ABHD12: variants seen among roughly 807,000 people sequenced by gnomAD.
ABHD12 encodes lysophosphatidylserine lipase ABHD12.
In ABHD12, 43 loss-of-function variants were observed where a neutral mutation model predicts 58.3. That is an observed-to-expected ratio of 0.74 (90% CI 0.58 to 0.95). The LOEUF is 0.95. Among genes scored for constraint, ABHD12 ranks in the 40% least tolerant of loss-of-function variants. The pLI is 0.00. For missense variants in ABHD12, 539 were observed against 537.2 expected (o/e 1.00, Z -0.03); for synonymous variants, 219 against 211.2 (o/e 1.04, Z -0.32).
intron 1 of ABHD12, among the ~76,000 whole-genome samples, chr20:25,353,000 A>AC (rs746198420): frequency 2.0e-5 from 3 of 152,176 alleles, no homozygotes; most frequent in Non-Finnish European, 4.4e-5. Context: ...CAAGAGTGAG[A>AC]CTCTGTCTCT....
chr20:25,381,524 A>G (rs1210155851), intron 1 of ABHD12, among the ~76,000 whole-genome samples: 2 of 152,160 alleles, frequency 1.3e-5, no homozygotes, highest in African/African-American at 2.4e-5. Context: ...TGGACCCTAT[A>G]TGCACGACTG....
At chr20:25,380,867 C>A (rs1034698453) in intron 1 of ABHD12, among the ~76,000 whole-genome samples, 20 of 152,328 alleles carry the variant, frequency 1.3e-4, no homozygotes, top group African/African-American at 3.8e-4. Context: ...GTTTAACAGG[C>A]ACCTCAATAT....
At chr20:25,387,619 G>A (rs549540752) in intron 1 of ABHD12, among the ~76,000 whole-genome samples, 1 of 92,956 alleles carries the variant, frequency 1.1e-5, no homozygotes, top group Admixed American at 1.1e-4. Context: ...TTAACCAGGA[G>A]TGGTGGCATA....
intron 1 of ABHD12, among the ~76,000 whole-genome samples, chr20:25,354,590 G>A (rs948696668): frequency 6.6e-6 from 1 of 152,180 alleles, no homozygotes; most frequent in African/African-American, 2.4e-5. Flanking sequence ...ACTGGACACA[G>A]CCCATCTTTC....
chr20:25,353,941 C>T (rs1284929858), intron 1 of ABHD12, among the ~76,000 whole-genome samples: 1 of 152,182 alleles, frequency 6.6e-6, no homozygotes, highest in Non-Finnish European at 1.5e-5. Flanking sequence ...TCAAGGTCTC[C>T]CCTGCCGCTG....
At position 25,316,938 on chromosome 20, in the gene ABHD12, A is replaced by G. The variant is rs1428187282; in HGVS notation, c.573+110T>C. ...GAGGAGGACCCTGTCTCACACACAC[A>G]AACAGCCCAGCAATAGTTAACTCTC... On this transcript the variant is annotated intron_variant, in intron 5 of 12. Transcript: ENST00000339157. 4 of 1,035,230 alleles carry G rather than the reference A, an allele frequency of 3.9e-6. No individual in the cohort carries two copies. The African/African-American group carries it at 6.3e-5, about 16-fold the overall frequency. 64.1% of individuals were successfully genotyped at this position (1,035,230 alleles called of 1,614,324 possible).
At chr20:25,369,851 G>A (rs543008768) in intron 1 of ABHD12, among the ~76,000 whole-genome samples, 5 of 149,232 alleles carry the variant, frequency 3.4e-5, no homozygotes, top group South Asian at 2.1e-4. Flanking sequence ...GGGCTGAGGC[G>A]AGAGGATTGC....
At chr20:25,325,661 A>T (rs919842568) in intron 2 of ABHD12, among the ~76,000 whole-genome samples, 2 of 152,196 alleles carry the variant, frequency 1.3e-5, no homozygotes, top group Admixed American at 6.5e-5. Flanking sequence ...TCAGCATCTC[A>T]GGAGGAGCTG....
chr20:25,302,393 G>GT, intron 11 of ABHD12, 47 bp from the exon 12 acceptor site: 1 of 1,609,572 alleles, frequency 6.2e-7, no homozygotes, highest in Non-Finnish European at 8.5e-7. Flanking sequence ...TGGCATGGGG[G>GT]TCCCAGCCTG....
At chr20:25,323,755 G>A (rs958986657) in intron 2 of ABHD12, among the ~76,000 whole-genome samples, 9 of 152,212 alleles carry the variant, frequency 5.9e-5, no homozygotes, top group Non-Finnish European at 1.0e-4. Flanking sequence ...CATTCTAGGT[G>A]TGAGAAGATG....
rs149000557 is a variant in ABHD12, at chr20:25,350,427, C to A, written c.192-11076G>T. Among the ~76,000 whole-genome samples the A allele has an allele frequency of 1.2e-3, 182 of 152,298 alleles. 1 individual carries two copies. Among genetic ancestry groups the A allele is most frequent in the African/African-American group, 4.2e-3 (174 of 41,564 alleles). Reference sequence around the variant, plus strand: ...AATCATGGGGACAGTTTCCCCCATACTGTTTCTCATGGTAGTAAGTCTCAC... The same window carrying A: ...AATCATGGGGACAGTTTCCCCCATAATGTTTCTCATGGTAGTAAGTCTCAC... On this transcript the variant is annotated intron_variant, in intron 1 of 12. Transcript: ENST00000339157.
chr20:25,360,789 G>A (rs933725017), intron 1 of ABHD12, among the ~76,000 whole-genome samples: 4 of 152,150 alleles, frequency 2.6e-5, no homozygotes, highest in African/African-American at 4.8e-5. Context: ...CCAGGTACCC[G>A]TGGCGGGAGG....
At chr20:25,337,455 G>A (rs1462544468) in intron 2 of ABHD12, among the ~76,000 whole-genome samples, 4 of 152,240 alleles carry the variant, frequency 2.6e-5, no homozygotes, top group Non-Finnish European at 5.9e-5. Flanking sequence ...TCCTCCCTCA[G>A]AGCAGTCTAC....
intron 4 of ABHD12, among the ~76,000 whole-genome samples, chr20:25,319,858 C>CA (rs1471982298): frequency 1.3e-5 from 2 of 152,244 alleles, no homozygotes; most frequent in Admixed American, 1.3e-4. Flanking sequence ...GACTGAGACT[C>CA]AGCCTCCTTC....
In ABHD12 at chr20:25,303,899, A is replaced by G. The variant is rs147956960; in HGVS notation, c.951-271T>C. 2.8e-3 allele frequency among the ~76,000 whole-genome samples: 429 copies of G among 152,348 alleles called. 1 individual carries two copies. Among genetic ancestry groups the G allele is most frequent in the African/African-American group, 9.7e-3 (405 of 41,568 alleles). ...AAATGATTATTTTTCCACCAGATAT[A>G]TATATTTTTAAGCGGAATAATTCAG... On this transcript the variant is annotated intron_variant, in intron 10 of 12. Coordinates refer to ENST00000339157, the MANE Select transcript of ABHD12 (RefSeq NM_001042472.3).
chr20:25,390,477 GCCCC>G, intron 1 of ABHD12, 32 bp downstream of exon 1: 1 of 98,530 alleles, frequency 1.0e-5, no homozygotes, highest in Non-Finnish European at 1.3e-5. Context: ...TGAGGGACCG[GCCCC>G]CCCCCCCCCC....
intron 1 of ABHD12, among the ~76,000 whole-genome samples, chr20:25,371,961 G>A (rs2089904898): frequency 1.3e-5 from 2 of 152,114 alleles, no homozygotes; most frequent in South Asian, 2.1e-4. Context: ...CGGGGCATAC[G>A]TGTGTCTTCC....
At chr20:25,344,133 T>C (rs936828946) in intron 1 of ABHD12, among the ~76,000 whole-genome samples, 17 of 152,148 alleles carry the variant, frequency 1.1e-4, no homozygotes, top group Non-Finnish European at 2.2e-4. Flanking sequence ...CTTGATAATA[T>C]CTACAAAAAA....
intron 1 of ABHD12, among the ~76,000 whole-genome samples, chr20:25,369,480 A>G (rs2089869751): frequency 1.3e-5 from 2 of 152,146 alleles, no homozygotes; most frequent in Non-Finnish European, 2.9e-5. Context: ...CAGAAACTCC[A>G]TCACTTTGCG....
Sources: allele counts gnomAD v4.1 joint callset (sites outside exome capture counted in the v4.1 genomes callset), GRCh38; gene constraint gnomAD v4.1.1; transcripts MANE v1.5; gene names NCBI Gene and HGNC (gene_info 2026-07-23, HGNC 2026-07-21).